The following KCNIP4 variants were observed in gnomAD, a reference collection of about 807,000 sequenced individuals.
The protein encoded by KCNIP4 is Kv channel-interacting protein 4.
KCNIP4 carries 12 observed loss-of-function variants against 34.0 expected under a neutral mutation model. That is an observed-to-expected ratio of 0.35 (90% CI 0.23 to 0.57). The LOEUF (loss-of-function observed/expected upper bound fraction) is 0.57, where lower values mean the gene tolerates loss of function less well. Ranked by LOEUF, KCNIP4 falls within the 20% of genes least tolerant of loss-of-function variation. The probability of loss-of-function intolerance (pLI) is 0.83; values close to 1 mark genes in which losing one functional copy is unlikely to be tolerated. For missense variants in KCNIP4, 238 were observed against 311.7 expected, an observed-to-expected ratio of 0.76 and a Z score of 1.78; for synonymous variants, 124 against 102.2, an observed-to-expected ratio of 1.21 and a Z score of -1.29.
intron 1 of KCNIP4, among the ~76,000 whole-genome samples, chr4:21,346,725 C>A (rs1477870747): frequency 6.6e-6 from 1 of 152,056 alleles, no homozygotes; most frequent in Non-Finnish European, 1.5e-5. Context: ...TCTGATGGGA[C>A]TGAGGATTAT....
At chr4:20,948,884 C>T (rs1384065027) in intron 1 of KCNIP4, among the ~76,000 whole-genome samples, 1 of 152,100 alleles carries the variant, frequency 6.6e-6, no homozygotes, top group African/African-American at 2.4e-5. Flanking sequence ...CCAATTGGTT[C>T]CTTTTTCTCA....
intron 3 of KCNIP4, among the ~76,000 whole-genome samples, chr4:20,768,207 GAATA>G (rs1755583575): frequency 6.6e-6 from 1 of 152,144 alleles, no homozygotes; most frequent in Non-Finnish European, 1.5e-5. Context: ...TATGCTGAAT[GAATA>G]AATCTTCAGT....
At chr4:20,930,017 A>T (rs902869239) in intron 1 of KCNIP4, among the ~76,000 whole-genome samples, 13 of 152,034 alleles carry the variant, frequency 8.6e-5, no homozygotes, top group African/African-American at 2.4e-4. Context: ...ATAGAAAAAA[A>T]ATTCTTGAAA....
intron 6 of KCNIP4, 118 bp from the exon 7 acceptor site, chr4:20,732,903 T>A: frequency 1.6e-6 from 1 of 634,374 alleles, no homozygotes; most frequent in Non-Finnish European, 2.7e-6. Flanking sequence ...TTTGTTGGAT[T>A]CTTTGTTAGA....
intron 3 of KCNIP4, among the ~76,000 whole-genome samples, chr4:20,778,255 G>A (rs1756551457): frequency 6.6e-6 from 1 of 152,134 alleles, no homozygotes; most frequent in African/African-American, 2.4e-5. Context: ...ATTTACTTGT[G>A]CCTCACTTGC....
rs114051067 is a variant in KCNIP4, at chr4:21,509,278, C to T, written c.61+439293G>A. On this transcript the variant is annotated intron_variant, in intron 1 of 8. Coordinates refer to ENST00000382152, the MANE Select transcript of KCNIP4 (RefSeq NM_025221.6). ...TTCATTTGACCCCACAGCAGCTTTG[C>T]ACAATAGGTATGATTAATAGTCAGT... 9.5e-3 allele frequency among the ~76,000 whole-genome samples: 1,451 copies of T among 152,200 alleles called. 20 individuals are homozygous for T. The highest frequency in any genetic ancestry group is 0.033 in the African/African-American group (1,381 of 41,508).
rs763750641 is a variant in KCNIP4 at position 20,922,516 on chromosome 4, ACTGT to A, written c.62-39811_62-39808del. On this transcript the variant is annotated intron_variant, in intron 1 of 8. Coordinates refer to ENST00000382152, the MANE Select transcript of KCNIP4 (RefSeq NM_025221.6). ...GACTTCTAGACCTCATAATAGTGTGACTGTCTGTCTGTCTGTCTGTCTGTCTGTC... is the reference window on the plus strand; with the variant it reads ...GACTTCTAGACCTCATAATAGTGTGACTGTCTGTCTGTCTGTCTGTCTGTC... Among the ~76,000 whole-genome samples, 1,405 of 143,306 alleles carry A rather than the reference ACTGT, an allele frequency of 9.8e-3. 14 individuals carry two copies. The highest frequency in any genetic ancestry group is 0.012 in the Admixed American group (169 of 13,960). 94.0% of individuals were successfully genotyped at this position (143,306 alleles called of 152,430 possible). A position where few individuals can be genotyped will look rare whatever the true frequency, so the allele number is the denominator to read the frequency against.
chr4:21,118,159 T>C (rs1749845706), intron 1 of KCNIP4, among the ~76,000 whole-genome samples: 1 of 152,106 alleles, frequency 6.6e-6, no homozygotes. Flanking sequence ...CCTTATCAAC[T>C]AGTTCTACCT....
intron 1 of KCNIP4, among the ~76,000 whole-genome samples, chr4:21,484,854 C>A (rs2109844359): frequency 6.6e-6 from 1 of 152,276 alleles, no homozygotes; most frequent in Admixed American, 6.5e-5. Flanking sequence ...CATCTGACTC[C>A]TTCACCAGAT....
At chr4:21,517,555 A>G (rs1183631815) in intron 1 of KCNIP4, among the ~76,000 whole-genome samples, 1 of 152,204 alleles carries the variant, frequency 6.6e-6, no homozygotes, top group Non-Finnish European at 1.5e-5. Flanking sequence ...GCTCCAATGA[A>G]TCGAGGTATT....
chr4:21,024,653 C>A (rs145644340), intron 1 of KCNIP4, among the ~76,000 whole-genome samples: 1 of 152,128 alleles, frequency 6.6e-6, no homozygotes, highest in Non-Finnish European at 1.5e-5. Flanking sequence ...ATTCTCTGTA[C>A]TAATTTGCTA....
chr4:20,883,489 T>C (rs909550629), intron 1 of KCNIP4, among the ~76,000 whole-genome samples: 1 of 152,080 alleles, frequency 6.6e-6, no homozygotes, highest in Non-Finnish European at 1.5e-5. Context: ...TGAAACAACT[T>C]TTGATGTCAG....
chr4:21,517,224 T>C (rs1734839953), intron 1 of KCNIP4, among the ~76,000 whole-genome samples: 1 of 152,090 alleles, frequency 6.6e-6, no homozygotes. Context: ...GAGTACAACA[T>C]ACTCAGAAAC....
chr4:21,664,601 G>A (rs887329199), intron 1 of KCNIP4, among the ~76,000 whole-genome samples: 5 of 152,118 alleles, frequency 3.3e-5, no homozygotes, highest in Non-Finnish European at 5.9e-5. Flanking sequence ...CTGAGGTCAG[G>A]CACCTCAGTT....
intron 1 of KCNIP4, among the ~76,000 whole-genome samples, chr4:21,501,648 G>A (rs1733349774): frequency 6.9e-6 from 1 of 144,944 alleles, no homozygotes; most frequent in South Asian, 2.2e-4. Flanking sequence ...GCAATTATGG[G>A]CTGTACTCCT....
At chr4:21,687,320 A>T (rs1367008131) in intron 1 of KCNIP4, among the ~76,000 whole-genome samples, 280 of 151,192 alleles carry the variant, frequency 1.9e-3, no homozygotes, top group African/African-American at 6.0e-3. Context: ...AAAGTATAAA[A>T]AAAAAAAAAA....
Position 20,835,462 on chromosome 4 carries a change from T to A in KCNIP4, c.288+15081A>T, listed in dbSNP as rs539468712. On this transcript the variant is annotated intron_variant, in intron 3 of 8. Transcript: ENST00000382152. ...ATTTCTTTTATTATTATTATTATTT[T>A]AAAAAAACCTATTTCGTAGGGCTGC... 3.3e-5 allele frequency among the ~76,000 whole-genome samples: 5 copies of A among 152,128 alleles called. No individual in the cohort carries two copies. The South Asian group carries it at 6.2e-4, about 19-fold the overall frequency.
chr4:21,485,186 G>T (rs1731800261), intron 1 of KCNIP4, among the ~76,000 whole-genome samples: 1 of 152,092 alleles, frequency 6.6e-6, no homozygotes, highest in Non-Finnish European at 1.5e-5. Context: ...GATAAATACT[G>T]CAACATTAAG....
intron 8 of KCNIP4, chr4:20,731,280 C>G: frequency 7.9e-6 from 4 of 504,544 alleles, no homozygotes; most frequent in Non-Finnish European, 1.0e-5. Flanking sequence ...TGCTATGTTG[C>G]CCACATTGGA....
Sources: allele counts gnomAD v4.1 joint callset (sites outside exome capture counted in the v4.1 genomes callset), GRCh38; gene constraint gnomAD v4.1.1; transcripts MANE v1.5; gene names NCBI Gene and HGNC (gene_info 2026-07-23, HGNC 2026-07-21).